The following IGBP1C variants were observed in gnomAD, a reference collection of about 807,000 sequenced individuals.
IGBP1C encodes immunoglobulin-binding protein 1 family member C.
the IGBP1C span, chr17:58,675,467 G>C: frequency 6.5e-6 from 1 of 153,388 alleles, no homozygotes; most frequent in Non-Finnish European, 1.5e-5. Flanking sequence ...ATGATATCCA[G>C]TTCTAAGTGT....
the IGBP1C span, among the ~76,000 whole-genome samples, chr17:58,662,415 T>TCTCA: frequency 6.6e-4 from 76 of 114,994 alleles, no homozygotes; most frequent in African/African-American, 1.8e-3. Context: ...CACACATATC[T>TCTCA]CACACACACA....
the IGBP1C span, among the ~76,000 whole-genome samples, chr17:58,682,900 G>A: frequency 6.6e-6 from 1 of 150,534 alleles, no homozygotes. Context: ...AATATCCTTT[G>A]AGAAGAGCCT....
At chr17:58,671,292 C>T in the IGBP1C span, among the ~76,000 whole-genome samples, 1 of 152,102 alleles carries the variant, frequency 6.6e-6, no homozygotes, top group Admixed American at 6.6e-5. Context: ...ATCACCAAGC[C>T]AGGCTAAAGT....
the IGBP1C span, among the ~76,000 whole-genome samples, chr17:58,674,915 G>T: frequency 7.3e-5 from 11 of 151,594 alleles, no homozygotes; most frequent in East Asian, 1.4e-3. Context: ...GAGGCTGAGG[G>T]GGGGTGCATC....
the IGBP1C span, among the ~76,000 whole-genome samples, chr17:58,690,981 G>A: frequency 2.0e-5 from 3 of 152,120 alleles, no homozygotes; most frequent in South Asian, 6.2e-4. Flanking sequence ...AGACTTCTGA[G>A]TAGCTGGGAC....
the IGBP1C span, among the ~76,000 whole-genome samples, chr17:58,662,704 C>T: frequency 3.4e-3 from 525 of 152,210 alleles, 6 homozygotes; most frequent in African/African-American, 0.012. Flanking sequence ...ATCACTTTGC[C>T]TCATGGGAGT....
chr17:58,663,303 TC>T, the IGBP1C span, among the ~76,000 whole-genome samples: 1 of 147,480 alleles, frequency 6.8e-6, no homozygotes, highest in African/African-American at 2.5e-5. Context: ...ATGCCTGTAA[TC>T]CCAGCTACTT....
chr17:58,674,912 AG>A, the IGBP1C span, among the ~76,000 whole-genome samples: 1 of 151,132 alleles, frequency 6.6e-6, no homozygotes, highest in Non-Finnish European at 1.5e-5. Flanking sequence ...TGGGAGGCTG[AG>A]GGGGGGTGCA....
the IGBP1C span, chr17:58,660,533 C>T: frequency 5.4e-6 from 4 of 738,436 alleles, no homozygotes; most frequent in African/African-American, 1.7e-5. Flanking sequence ...TTTTCCTTGG[C>T]GGGGAAGGTG....
At chr17:58,667,841 C>T in the IGBP1C span, among the ~76,000 whole-genome samples, 3 of 150,456 alleles carry the variant, frequency 2.0e-5, no homozygotes, top group Admixed American at 2.0e-4. Flanking sequence ...GGCAATGAGC[C>T]GTGATCATGC....
chr17:58,691,395 G>A, the IGBP1C span, among the ~76,000 whole-genome samples: 3 of 151,810 alleles, frequency 2.0e-5, no homozygotes, highest in East Asian at 2.0e-4. Context: ...AGGGCCGGGC[G>A]CGGTGGCTCA....
the IGBP1C span, among the ~76,000 whole-genome samples, chr17:58,684,570 G>A: frequency 6.6e-6 from 1 of 151,448 alleles, no homozygotes; most frequent in African/African-American, 2.4e-5. Flanking sequence ...GGGAGGCAGT[G>A]GTGGCAGTGA....
the IGBP1C span, chr17:58,661,031 C>T: frequency 5.3e-6 from 6 of 1,135,834 alleles, no homozygotes; most frequent in African/African-American, 1.5e-5. Flanking sequence ...TTCACGAACA[C>T]GCTCATTATC....
the IGBP1C span, among the ~76,000 whole-genome samples, chr17:58,670,874 G>A: frequency 6.8e-6 from 1 of 146,218 alleles, no homozygotes; most frequent in South Asian, 2.2e-4. Context: ...TAAAATGATA[G>A]AAGTACATAC....
chr17:58,666,863 C>A, the IGBP1C span, among the ~76,000 whole-genome samples: 1 of 152,168 alleles, frequency 6.6e-6, no homozygotes, highest in African/African-American at 2.4e-5. Context: ...GCAAATCCTT[C>A]CAAGGAACGC....
the IGBP1C span, among the ~76,000 whole-genome samples, chr17:58,691,443 C>A: frequency 4.6e-5 from 7 of 151,504 alleles, no homozygotes; most frequent in Non-Finnish European, 7.4e-5. Flanking sequence ...CCGAGGCAGG[C>A]GGATCACGAG....
chr17:58,681,320 A>G, the IGBP1C span, among the ~76,000 whole-genome samples: 1 of 152,166 alleles, frequency 6.6e-6, no homozygotes, highest in Admixed American at 6.6e-5. Flanking sequence ...AACTGAGAAC[A>G]TAGAGGTGTC....
chr17:58,671,410 A>G, the IGBP1C span, among the ~76,000 whole-genome samples: 3 of 152,092 alleles, frequency 2.0e-5, no homozygotes, highest in Non-Finnish European at 4.4e-5. Flanking sequence ...GCCCCTTCCC[A>G]TTCTCAGGCT....
chr17:58,674,273 C>T, the IGBP1C span, among the ~76,000 whole-genome samples: 1 of 142,448 alleles, frequency 7.0e-6, no homozygotes, highest in Admixed American at 7.0e-5. Context: ...AAGACTCTGT[C>T]TCAAAAAAAA....
Sources: allele counts gnomAD v4.1 joint callset (sites outside exome capture counted in the v4.1 genomes callset), GRCh38; gene constraint gnomAD v4.1.1; transcripts MANE v1.5; gene names NCBI Gene and HGNC (gene_info 2026-07-23, HGNC 2026-07-21).